The following CXADR variants were observed in gnomAD, a reference collection of about 807,000 sequenced individuals.
CXADR encodes the protein coxsackievirus and adenovirus receptor.
In CXADR, 20 loss-of-function variants were observed where a neutral mutation model predicts 40.3. That is an observed-to-expected ratio of 0.50 (90% CI 0.35 to 0.72). The LOEUF (loss-of-function observed/expected upper bound fraction) is 0.72. Among genes scored for constraint, CXADR ranks in the 30% least tolerant of loss-of-function variants. The probability of loss-of-function intolerance (pLI) is 0.01; values close to 1 mark genes in which losing one functional copy is unlikely to be tolerated. For missense variants in CXADR, 332 were observed against 449.1 expected (o/e 0.74, Z 2.36); for synonymous variants, 150 against 161.3 (o/e 0.93, Z 0.53).
At chr21:17,541,679 T>G (rs1462251666) in intron 1 of CXADR, among the ~76,000 whole-genome samples, 1 of 151,724 alleles carries the variant, frequency 6.6e-6, no homozygotes, top group Non-Finnish European at 1.5e-5. Context: ...ATAGTTGTAA[T>G]CATACAGTGG....
At chr21:17,529,457 A>T (rs944090490) in intron 1 of CXADR, among the ~76,000 whole-genome samples, 2 of 151,982 alleles carry the variant, frequency 1.3e-5, no homozygotes, top group African/African-American at 4.8e-5. Flanking sequence ...AACAGCTGGG[A>T]TTACAGGCAT....
the CXADR span, among the ~76,000 whole-genome samples, chr21:17,628,045 T>G: frequency 6.6e-6 from 1 of 152,228 alleles, no homozygotes; most frequent in Non-Finnish European, 1.5e-5. Context: ...CCAACTTTTT[T>G]TGTGCACAAA....
intron 1 of CXADR, among the ~76,000 whole-genome samples, chr21:17,522,328 A>G (rs2060541662): frequency 3.3e-5 from 5 of 151,842 alleles, no homozygotes; most frequent in Non-Finnish European, 7.4e-5. Flanking sequence ...TTGTATTTTT[A>G]GTAGAGCGGG....
downstream of CXADR, among the ~76,000 whole-genome samples, chr21:17,573,439 TTC>T (rs1185769612): frequency 6.6e-6 from 1 of 151,866 alleles, no homozygotes. Context: ...ACCCAGAGGG[TTC>T]TCTGTTTAAC....
At chr21:17,585,354 C>T (rs1029669251) in intron 7 of CXADR, among the ~76,000 whole-genome samples, 3 of 151,764 alleles carry the variant, frequency 2.0e-5, no homozygotes, top group Admixed American at 6.6e-5. Context: ...AAAACAATGG[C>T]GTAAGAAAAC....
chr21:17,529,271 T>C (rs1413243935), intron 1 of CXADR, among the ~76,000 whole-genome samples: 1 of 151,904 alleles, frequency 6.6e-6, no homozygotes, highest in Non-Finnish European at 1.5e-5. Flanking sequence ...GACTTCGTGA[T>C]TCACCCGCCT....
downstream of CXADR, among the ~76,000 whole-genome samples, chr21:17,571,318 T>C (rs2824368): frequency 0.045 from 6,849 of 152,318 alleles, 490 homozygotes; most frequent in African/African-American, 0.16. Context: ...GATATAATAA[T>C]GAAAGTTCTT....
chr21:17,609,577 T>C, the CXADR span, among the ~76,000 whole-genome samples: 20 of 152,318 alleles, frequency 1.3e-4, no homozygotes, highest in South Asian at 3.5e-3. Context: ...AATCTAGAAC[T>C]GTAGAGCTAT....
At chr21:17,539,577 A>G (rs540762505) in intron 1 of CXADR, among the ~76,000 whole-genome samples, 1 of 152,282 alleles carries the variant, frequency 6.6e-6, no homozygotes, top group East Asian at 1.9e-4. Context: ...CTTTGATGTC[A>G]TTGTCTGTAA....
At chr21:17,627,939 T>C in the CXADR span, among the ~76,000 whole-genome samples, 19 of 152,294 alleles carry the variant, frequency 1.2e-4, no homozygotes, top group African/African-American at 4.6e-4. Context: ...GTTTCTTTCT[T>C]TTAGTTGATT....
chr21:17,593,392 A>T (rs1244120250), exon 8 of CXADR: 5 of 393,246 alleles, frequency 1.3e-5, no homozygotes, highest in Admixed American at 9.6e-5. Flanking sequence ...ATTCTTTGTT[A>T]AAAAACCCTA....
the CXADR span, among the ~76,000 whole-genome samples, chr21:17,634,905 G>T: frequency 6.6e-6 from 1 of 152,246 alleles, no homozygotes; most frequent in East Asian, 1.9e-4. Flanking sequence ...ACAGGTGCAT[G>T]CCACAATACT....
intron 1 of CXADR, among the ~76,000 whole-genome samples, chr21:17,527,581 A>C (rs2123146852): frequency 6.6e-6 from 1 of 152,328 alleles, no homozygotes; most frequent in Admixed American, 6.5e-5. Context: ...GGGAGGAGTC[A>C]GACAATTATT....
intron 1 of CXADR, among the ~76,000 whole-genome samples, chr21:17,523,004 C>A (rs1264101774): frequency 1.3e-5 from 2 of 152,172 alleles, no homozygotes; most frequent in Admixed American, 1.3e-4. Flanking sequence ...CCCATCTGCT[C>A]ATATCCAATT....
intron 6 of CXADR, among the ~76,000 whole-genome samples, chr21:17,563,708 G>T (rs1393794382): frequency 6.6e-6 from 1 of 151,918 alleles, no homozygotes; most frequent in Admixed American, 6.6e-5. Context: ...TAGGGAGGCC[G>T]ATATGGGTGG....
At chr21:17,559,346 AT>A (rs58736212) in intron 4 of CXADR, among the ~76,000 whole-genome samples, 7,649 of 94,528 alleles carry the variant, frequency 0.081, 508 homozygotes, top group East Asian at 0.3. Flanking sequence ...CACCCTGCTA[AT>A]TTTTTTTTTA....
At chr21:17,526,707 G>A (rs1402935756) in intron 1 of CXADR, among the ~76,000 whole-genome samples, 2 of 152,080 alleles carry the variant, frequency 1.3e-5, no homozygotes, top group African/African-American at 4.8e-5. Context: ...ATTAACTTCA[G>A]GACTTTTCTA....
chr21:17,513,629 A>G (rs1345178721), intron 1 of CXADR, among the ~76,000 whole-genome samples: 2 of 152,186 alleles, frequency 1.3e-5, no homozygotes, highest in African/African-American at 4.8e-5. Flanking sequence ...CTGAATTGCA[A>G]ACGCCATTAT....
chr21:17,546,542 T>C (rs1233613969), intron 1 of CXADR, among the ~76,000 whole-genome samples: 3 of 152,086 alleles, frequency 2.0e-5, no homozygotes, highest in Non-Finnish European at 4.4e-5. Context: ...TGCACACTTT[T>C]AAACAACCAG....
Sources: allele counts gnomAD v4.1 joint callset (sites outside exome capture counted in the v4.1 genomes callset), GRCh38; gene constraint gnomAD v4.1.1; transcripts MANE v1.5; gene names NCBI Gene and HGNC (gene_info 2026-07-23, HGNC 2026-07-21).